RFX4: variants seen among roughly 807,000 people sequenced by gnomAD.
The protein encoded by RFX4 is transcription factor RFX4.
Under a neutral mutation model 95.0 loss-of-function variants are expected in RFX4, and 10 were observed. The observed-to-expected ratio is 0.11, with a 90% CI of 0.06 to 0.18. The LOEUF (loss-of-function observed/expected upper bound fraction) is 0.18, where lower values mean the gene tolerates loss of function less well. RFX4 is among the 10% of genes least tolerant of loss of function. The probability of loss-of-function intolerance (pLI) is 1.00; values close to 1 mark genes in which losing one functional copy is unlikely to be tolerated. For synonymous variants in RFX4, 321 were observed against 340.7 expected, an observed-to-expected ratio of 0.94 and a Z score of 0.64; for missense variants, 640 against 922.0, an observed-to-expected ratio of 0.69 and a Z score of 3.96.
At chr12:106,610,237 CA>C (rs398044781) in intron 2 of RFX4, among the ~76,000 whole-genome samples, 24,886 of 77,616 alleles carry the variant, frequency 0.32, 1,141 homozygotes, top group South Asian at 0.37. Context: ...GACTCCATCT[CA>C]AAAAAAAAAA....
At chr12:106,696,954 G>A (rs997228408) in intron 8 of RFX4, among the ~76,000 whole-genome samples, 5 of 152,128 alleles carry the variant, frequency 3.3e-5, no homozygotes, top group African/African-American at 9.7e-5. Flanking sequence ...TTCTGCTGGG[G>A]CCAGAGGTGG....
At chr12:106,625,047 CTA>C (rs1014023388) in intron 2 of RFX4, among the ~76,000 whole-genome samples, 1 of 152,098 alleles carries the variant, frequency 6.6e-6, no homozygotes, top group Admixed American at 6.5e-5. Flanking sequence ...GAATGGGAGA[CTA>C]TTCAGTTTGT....
At chr12:106,608,981 C>T (rs1047719149) in intron 2 of RFX4, 98 bp downstream of exon 2, 2 of 1,014,918 alleles carry the variant, frequency 2.0e-6, no homozygotes, top group African/African-American at 1.6e-5. Flanking sequence ...GGCCAAGTCA[C>T]CTGGAACAAG....
At chr12:106,643,419 GA>G (rs1167697760) in intron 3 of RFX4, among the ~76,000 whole-genome samples, 1 of 152,160 alleles carries the variant, frequency 6.6e-6, no homozygotes, top group Non-Finnish European at 1.5e-5. Flanking sequence ...AAGCAGTAGG[GA>G]AAAGAAAGTA....
chr12:106,753,827 A>G (rs955785968), intron 17 of RFX4, among the ~76,000 whole-genome samples: 1 of 152,190 alleles, frequency 6.6e-6, no homozygotes, highest in African/African-American at 2.4e-5. Context: ...TGGTGTGCTG[A>G]GCACGCTCAC....
In RFX4 at chr12:106,720,519, A is replaced by T. The variant is rs2042376625; in HGVS notation, c.1234-240A>T. ...CACCTCAGCCTCCTGAGTAGCTGGG[A>T]CTACAGGGGTGTGCCACCATTCCCA... On this transcript the variant is annotated intron_variant, in intron 12 of 17. Transcript: ENST00000392842. The surrounding 1 kb of genome is among the most constrained non-coding windows in gnomAD (Gnocchi z 4.2). Among the ~76,000 whole-genome samples, 1 of 151,990 alleles carries T rather than the reference A, an allele frequency of 6.6e-6. No homozygotes were observed. The highest frequency in any genetic ancestry group is 2.4e-5 in the African/African-American group (1 of 41,358).
intron 6 of RFX4, among the ~76,000 whole-genome samples, 180 bp from the exon 7 acceptor site, chr12:106,689,107 G>C (rs1253492238): frequency 6.6e-6 from 1 of 152,188 alleles, no homozygotes; most frequent in African/African-American, 2.4e-5. Flanking sequence ...AGGGAGCCAA[G>C]GGTCAGAGAA....
intron 17 of RFX4, among the ~76,000 whole-genome samples, chr12:106,758,638 C>A (rs1382676814): frequency 6.6e-6 from 1 of 152,132 alleles, no homozygotes; most frequent in African/African-American, 2.4e-5. Flanking sequence ...TTCTAAGGCC[C>A]CAGAGCTCTG....
chr12:106,734,254 G>T (rs186392049), intron 15 of RFX4, among the ~76,000 whole-genome samples: 7 of 152,226 alleles, frequency 4.6e-5, no homozygotes. Flanking sequence ...TGGCGGTGAT[G>T]GTTGCACAAC....
chr12:106,666,920 T>C (rs2041188422), intron 4 of RFX4, among the ~76,000 whole-genome samples: 1 of 152,218 alleles, frequency 6.6e-6, no homozygotes, highest in Admixed American at 6.5e-5. Flanking sequence ...CCTTGCTGTT[T>C]CTTTAAATTG....
intron 10 of RFX4, among the ~76,000 whole-genome samples, chr12:106,713,751 T>C (rs1187261174): frequency 6.6e-6 from 1 of 152,002 alleles, no homozygotes; most frequent in African/African-American, 2.4e-5. Flanking sequence ...GCCCTAAACA[T>C]GATGGTTAGA....
chr12:106,730,994 C>T (rs1003355683), intron 13 of RFX4, among the ~76,000 whole-genome samples: 7 of 151,374 alleles, frequency 4.6e-5, no homozygotes, highest in South Asian at 2.1e-4. Context: ...AGTGAGACTC[C>T]GTCTCAAAAA....
intron 1 of RFX4, among the ~76,000 whole-genome samples, chr12:106,584,357 CA>C: frequency 6.6e-6 from 1 of 152,218 alleles, no homozygotes; most frequent in East Asian, 1.9e-4. Flanking sequence ...CGGCTATTTT[CA>C]TTTTGGCCCC....
At chr12:106,634,532 A>G (rs535128601) in intron 2 of RFX4, among the ~76,000 whole-genome samples, 15 of 152,258 alleles carry the variant, frequency 9.9e-5, no homozygotes, top group African/African-American at 2.9e-4. Flanking sequence ...CCATTTAGAG[A>G]TGACTGTCTT....
chr12:106,623,701 C>A lies in RFX4; in HGVS notation c.130+14818C>A, dbSNP rs148997224. ...TCAGCAGGCTGAGTTGGAAGGAATG[C>A]TTGAGCTAGGGAGGTGGAGGTTGCA... On this transcript the variant is annotated intron_variant, in intron 2 of 17. Coordinates refer to ENST00000392842, the MANE Select transcript of RFX4 (RefSeq NM_213594.3). Among the ~76,000 whole-genome samples the A allele has an allele frequency of 1.3e-3, 192 of 152,266 alleles. 1 individual carries two copies. Among genetic ancestry groups the A allele is most frequent in the African/African-American group, 4.3e-3 (180 of 41,568 alleles).
intron 16 of RFX4, among the ~76,000 whole-genome samples, 175 bp from the exon 17 acceptor site, chr12:106,750,476 CAAAA>C (rs374736367): frequency 4.0e-5 from 2 of 49,388 alleles, no homozygotes; most frequent in Non-Finnish European, 4.5e-5. Flanking sequence ...GACCCTGACT[CAAAA>C]AAAAAAAAAA....
intron 10 of RFX4, among the ~76,000 whole-genome samples, chr12:106,713,796 G>A (rs986697474): frequency 2.0e-5 from 3 of 152,000 alleles, no homozygotes; most frequent in African/African-American, 4.8e-5. Flanking sequence ...GGCAGGGTGC[G>A]GTGGCTCAGG....
intron 7 of RFX4, among the ~76,000 whole-genome samples, chr12:106,692,024 G>A (rs2041794314): frequency 6.6e-6 from 1 of 152,112 alleles, no homozygotes; most frequent in African/African-American, 2.4e-5. Context: ...GGACGTGGTG[G>A]CGCGTGCCTG....
At chr12:106,608,754 T>A in intron 1 of RFX4, 43 bp from the exon 2 acceptor site, 4 of 1,545,228 alleles carry the variant, frequency 2.6e-6, no homozygotes, top group Middle Eastern at 1.7e-4. Flanking sequence ...GATTTTCTTT[T>A]TTCTTTTTCT....
Sources: allele counts gnomAD v4.1 joint callset (sites outside exome capture counted in the v4.1 genomes callset), GRCh38; gene constraint gnomAD v4.1.1; non-coding constraint Gnocchi (gnomAD v3.1); transcripts MANE v1.5; gene names NCBI Gene and HGNC (gene_info 2026-07-23, HGNC 2026-07-21).